Variants in DISC1 observed in about 807,000 individuals in gnomAD.
DISC1 encodes disrupted in schizophrenia 1 protein.
DISC1 carries 57 observed loss-of-function variants against 84.5 expected under a neutral mutation model. The observed-to-expected ratio is 0.67, with a 90% CI of 0.55 to 0.84. The LOEUF is 0.84. DISC1 is among the 40% of genes least tolerant of loss of function. The probability of loss-of-function intolerance (pLI) is 0.00; values close to 1 mark genes in which losing one functional copy is unlikely to be tolerated. For synonymous variants in DISC1, 411 were observed against 415.2 expected, an observed-to-expected ratio of 0.99 and a Z score of 0.12; for missense variants, 1,000 against 1,057.8, an observed-to-expected ratio of 0.95 and a Z score of 0.76.
At chr1:231,700,746 G>A (rs140790921) in intron 2 of DISC1, among the ~76,000 whole-genome samples, 3 of 152,308 alleles carry the variant, frequency 2.0e-5, no homozygotes, top group African/African-American at 4.8e-5. Flanking sequence ...TAACTAAGAG[G>A]CACTCAGTAA....
intron 9 of DISC1, among the ~76,000 whole-genome samples, chr1:231,862,917 C>T (rs1447032889): frequency 6.6e-6 from 1 of 152,106 alleles, no homozygotes; most frequent in African/African-American, 2.4e-5. Flanking sequence ...ACATTGTTCT[C>T]AGTTTGTTGA....
intron 1 of DISC1, among the ~76,000 whole-genome samples, chr1:231,673,176 T>C (rs1156398596): frequency 6.6e-6 from 1 of 152,208 alleles, no homozygotes; most frequent in Non-Finnish European, 1.5e-5. Context: ...TCTGTTTTCA[T>C]TATAAAGAAT....
In DISC1 at chr1:231,732,987, G is replaced by A. The variant is rs112337004; in HGVS notation, c.1118-16939G>A. On this transcript the variant is annotated intron_variant, in intron 3 of 12. Transcript: ENST00000439617. ...GATAGGAGTGGTGGTGGTGATGATA[G>A]GAGTGGTGGTGGTTGTAGCAGTGTT... 4.2e-3 allele frequency among the ~76,000 whole-genome samples: 641 copies of A among 152,258 alleles called. 6 individuals carry two copies. Among genetic ancestry groups the A allele is most frequent in the African/African-American group, 0.015 (609 of 41,540 alleles).
At chr1:231,946,568 C>A (rs1341124042) in intron 9 of DISC1, among the ~76,000 whole-genome samples, 2 of 152,188 alleles carry the variant, frequency 1.3e-5, no homozygotes, top group Non-Finnish European at 2.9e-5. Flanking sequence ...AGGATGCCCT[C>A]TCTCACCACT....
intron 10 of DISC1, among the ~76,000 whole-genome samples, chr1:232,005,021 C>A (rs1667226473): frequency 8.1e-6 from 1 of 122,926 alleles, no homozygotes. Flanking sequence ...TCCCTCTCTC[C>A]CTCCCTCACT....
chr1:231,880,765 G>T (rs1205224352), intron 9 of DISC1, among the ~76,000 whole-genome samples: 1 of 138,394 alleles, frequency 7.2e-6, no homozygotes, highest in Non-Finnish European at 1.6e-5. Flanking sequence ...GTGGGGGGGG[G>T]GTGAAATCAT....
In DISC1 at chr1:231,826,037, G is replaced by A. The variant is rs2081839240; in HGVS notation, c.1981+7520G>A. Among the ~76,000 whole-genome samples, 2 of 152,190 alleles carry A rather than the reference G, an allele frequency of 1.3e-5. No homozygotes were observed. Among genetic ancestry groups the A allele is most frequent in the South Asian group, 4.1e-4 (2 of 4,834 alleles). On this transcript the variant is annotated intron_variant, in intron 9 of 12. Transcript: ENST00000439617. The surrounding 1 kb of genome is among the most constrained non-coding windows in gnomAD (Gnocchi z 4.2). ...CTTGTACGAAGTCACCCTCTTTTTA[G>A]TAACAAAGACTTATCTCTTTCTTTT... is the stretch of plus-strand genomic sequence containing the variant.
intron 9 of DISC1, among the ~76,000 whole-genome samples, chr1:231,821,776 C>A (rs1436258263): frequency 1.4e-5 from 2 of 146,806 alleles, no homozygotes; most frequent in Admixed American, 6.9e-5. Context: ...TGTAATGGTG[C>A]GATCTCTGCT....
chr1:231,712,521 G>A (rs2068009095), intron 3 of DISC1, among the ~76,000 whole-genome samples: 1 of 152,198 alleles, frequency 6.6e-6, no homozygotes, highest in Non-Finnish European at 1.5e-5. Context: ...TAAAGAAAAA[G>A]GCCACTTGAA....
At chr1:231,678,173 T>TA (rs1273712486) in intron 1 of DISC1, among the ~76,000 whole-genome samples, 1 of 151,820 alleles carries the variant, frequency 6.6e-6, no homozygotes, top group Non-Finnish European at 1.5e-5. Flanking sequence ...AGATCGTAAA[T>TA]AAAAAAATGG....
Position 231,903,910 on chromosome 1 carries a change from G to C in DISC1, c.1982-54918G>C, listed in dbSNP as rs118149750. 3.3e-5 allele frequency among the ~76,000 whole-genome samples: 5 copies of C among 152,368 alleles called. No homozygotes were observed. The East Asian group carries it at 9.6e-4, about 29-fold the overall frequency. On this transcript the variant is annotated intron_variant, in intron 9 of 12. Coordinates refer to ENST00000439617, the MANE Select transcript of DISC1 (RefSeq NM_018662.3). ...TGACTCGTGTTTAGAAGATTGTTCT[G>C]TTGCTGCAGTCAAGAGACTATAGAG...
intron 8 of DISC1, among the ~76,000 whole-genome samples, chr1:231,809,206 G>A (rs958488325): frequency 6.6e-6 from 1 of 152,118 alleles, no homozygotes; most frequent in African/African-American, 2.4e-5. Flanking sequence ...CTAATGCCTG[G>A]GCAGCTGTGT....
At chr1:231,978,365 T>C (rs189017611) in intron 10 of DISC1, among the ~76,000 whole-genome samples, 16 of 152,292 alleles carry the variant, frequency 1.1e-4, no homozygotes, top group Non-Finnish European at 1.8e-4. Context: ...GGTTACGACA[T>C]AGTCATAATC....
chr1:231,797,551 C>T (rs1053524223), intron 7 of DISC1, among the ~76,000 whole-genome samples: 13 of 152,046 alleles, frequency 8.6e-5, no homozygotes, highest in Admixed American at 2.0e-4. Context: ...GAGGGCAAGG[C>T]GGGGTCTCTG....
At chr1:231,818,996 G>C in intron 9 of DISC1, 1 of 997,094 alleles carries the variant, frequency 1.0e-6, no homozygotes, top group Non-Finnish European at 1.2e-6. Context: ...TAGAAGATGT[G>C]AATGCCGCCT....
chr1:231,873,206 A>G (rs116117385), intron 9 of DISC1, among the ~76,000 whole-genome samples: 2,416 of 152,326 alleles, frequency 0.016, 24 homozygotes, highest in Non-Finnish European at 0.024. Flanking sequence ...GAACAAACCC[A>G]TTATCTGATA....
chr1:231,877,469 T>C (rs763178977), intron 9 of DISC1, among the ~76,000 whole-genome samples: 4 of 152,240 alleles, frequency 2.6e-5, no homozygotes, highest in Non-Finnish European at 5.9e-5. Context: ...ATTTTTATCT[T>C]GTTGGCAGAG....
At chr1:231,920,554 T>G (rs2089931604) in intron 9 of DISC1, among the ~76,000 whole-genome samples, 1 of 152,196 alleles carries the variant, frequency 6.6e-6, no homozygotes. Context: ...TCACTTAGTG[T>G]AACGTCCTTA....
intron 1 of DISC1, among the ~76,000 whole-genome samples, chr1:231,654,313 G>A (rs1376333221): frequency 6.7e-6 from 1 of 148,498 alleles, no homozygotes; most frequent in Non-Finnish European, 1.5e-5. Context: ...ATAGGATTCT[G>A]TTTTTTTTTT....
Sources: allele counts gnomAD v4.1 joint callset (sites outside exome capture counted in the v4.1 genomes callset), GRCh38; gene constraint gnomAD v4.1.1; non-coding constraint Gnocchi (gnomAD v3.1); transcripts MANE v1.5; gene names NCBI Gene and HGNC (gene_info 2026-07-23, HGNC 2026-07-21).